Variants in ATG5 observed in about 807,000 individuals in gnomAD.
ATG5 encodes autophagy protein 5.
Under a neutral mutation model 36.5 loss-of-function variants are expected in ATG5, and 14 were observed. The ratio of observed to expected loss-of-function variants is 0.38; its 90% CI spans 0.25 to 0.60. ATG5 has a LOEUF of 0.60. Among genes scored for constraint, ATG5 ranks in the 20% least tolerant of loss-of-function variants. The pLI is 0.60. For missense variants in ATG5, 195 were observed against 326.7 expected (o/e 0.60, Z 3.11); for synonymous variants, 95 against 101.5 (o/e 0.94, Z 0.38).
chr6:106,246,245 C>T (rs907748235), intron 6 of ATG5, among the ~76,000 whole-genome samples: 2 of 152,052 alleles, frequency 1.3e-5, no homozygotes, highest in African/African-American at 4.8e-5. Context: ...AAAGATCAAG[C>T]AGGAGGTTCT....
rs544556894 is a variant in ATG5, at chr6:106,269,159, T to C, written c.478+10502A>G. On this transcript the variant is annotated intron_variant, in intron 5 of 7. Coordinates refer to ENST00000369076, the MANE Select transcript of ATG5 (RefSeq NM_004849.4). Reference sequence around the variant, plus strand: ...AGATACAAAGTGTCGACACAAAGGTTCTCCAAGTCCCCACCAGAGTAGCTA... The same window carrying C: ...AGATACAAAGTGTCGACACAAAGGTCCTCCAAGTCCCCACCAGAGTAGCTA... Among the ~76,000 whole-genome samples the C allele has an allele frequency of 3.3e-5, 5 of 152,292 alleles. No individual in the cohort carries two copies. In the South Asian group the frequency reaches 6.2e-4, roughly 19 times the overall value.
At chr6:106,292,108 AG>A (rs1204675309) in intron 4 of ATG5, among the ~76,000 whole-genome samples, 3 of 152,218 alleles carry the variant, frequency 2.0e-5, no homozygotes, top group Non-Finnish European at 4.4e-5. Context: ...AGAGAGGCCA[AG>A]GCAGGTGGAT....
At chr6:106,322,486 C>T (rs1482321830) in intron 1 of ATG5, among the ~76,000 whole-genome samples, 1 of 152,142 alleles carries the variant, frequency 6.6e-6, no homozygotes, top group African/African-American at 2.4e-5. Flanking sequence ...ATTTATTCTC[C>T]CACTTTCCTA....
intron 1 of ATG5, among the ~76,000 whole-genome samples, chr6:106,323,662 G>A (rs1159561895): frequency 1.3e-5 from 2 of 152,054 alleles, no homozygotes; most frequent in Non-Finnish European, 2.9e-5. Context: ...TTACTACCCT[G>A]ATTCAAGTCA....
intron 6 of ATG5, among the ~76,000 whole-genome samples, chr6:106,214,651 C>G (rs976270043): frequency 6.6e-6 from 1 of 152,096 alleles, no homozygotes; most frequent in Non-Finnish European, 1.5e-5. Context: ...CTAGACAGTG[C>G]CAAATGTACT....
chr6:106,313,716 T>C (rs1389192168), intron 2 of ATG5, among the ~76,000 whole-genome samples: 2 of 152,202 alleles, frequency 1.3e-5, no homozygotes, highest in Non-Finnish European at 2.9e-5. Context: ...GGAATATATG[T>C]ACTATTAATA....
intron 5 of ATG5, among the ~76,000 whole-genome samples, chr6:106,275,601 T>C (rs1314851261): frequency 6.6e-6 from 1 of 152,152 alleles, no homozygotes; most frequent in Non-Finnish European, 1.5e-5. Flanking sequence ...TTTAATAAAA[T>C]TTAATAAAGA....
At chr6:106,291,228 G>A (rs1450999237) in intron 4 of ATG5, among the ~76,000 whole-genome samples, 2 of 152,162 alleles carry the variant, frequency 1.3e-5, no homozygotes, top group East Asian at 3.8e-4. Flanking sequence ...AAAAAGACAT[G>A]TACTTAAGAG....
intron 7 of ATG5, among the ~76,000 whole-genome samples, chr6:106,188,366 A>AGC (rs1278574641): frequency 6.6e-6 from 1 of 152,202 alleles, no homozygotes; most frequent in Non-Finnish European, 1.5e-5. Context: ...CCTCCTACTT[A>AGC]GCACTGAGTC....
chr6:106,316,448 AATT>A (rs1770854039), intron 1 of ATG5, among the ~76,000 whole-genome samples, 182 bp from the exon 2 acceptor site: 5 of 152,222 alleles, frequency 3.3e-5, no homozygotes, highest in African/African-American at 7.2e-5. Flanking sequence ...CTAAATGTAA[AATT>A]ATTACTTATG....
At chr6:106,274,132 C>G (rs1047012594) in intron 5 of ATG5, among the ~76,000 whole-genome samples, 1 of 152,096 alleles carries the variant, frequency 6.6e-6, no homozygotes, top group Non-Finnish European at 1.5e-5. Flanking sequence ...CTCCGAAAAG[C>G]AAGAAACTAA....
chr6:106,256,172 C>G (rs905012536), intron 5 of ATG5, among the ~76,000 whole-genome samples: 1 of 151,402 alleles, frequency 6.6e-6, no homozygotes, highest in Non-Finnish European at 1.5e-5. Context: ...GTAGGTAATT[C>G]TCTCTTTAAT....
intron 7 of ATG5, 133 bp from the exon 8 acceptor site, chr6:106,186,809 G>T: frequency 9.6e-7 from 1 of 1,041,756 alleles, no homozygotes; most frequent in Non-Finnish European, 1.4e-6. Context: ...AGGAAATGTG[G>T]ACATGGAGAA....
intron 5 of ATG5, among the ~76,000 whole-genome samples, chr6:106,269,361 C>T (rs548518237): frequency 2.6e-5 from 4 of 151,962 alleles, no homozygotes; most frequent in South Asian, 2.1e-4. Flanking sequence ...CTGGCTTCAC[C>T]GGGGCTGCTG....
At chr6:106,284,720 T>G (rs972610656) in intron 4 of ATG5, among the ~76,000 whole-genome samples, 11 of 147,656 alleles carry the variant, frequency 7.4e-5, no homozygotes, top group East Asian at 1.9e-4. Context: ...TTGTGTGGGG[T>G]TTTTTTTGTT....
At chr6:106,305,028 T>C (rs1179588942) in intron 3 of ATG5, among the ~76,000 whole-genome samples, 5 of 151,102 alleles carry the variant, frequency 3.3e-5, no homozygotes, top group African/African-American at 4.9e-5. Flanking sequence ...GAGGTGGAGG[T>C]TGCAGTGAGC....
chr6:106,266,115 A>C (rs1779220445), intron 5 of ATG5, among the ~76,000 whole-genome samples: 1 of 152,202 alleles, frequency 6.6e-6, no homozygotes, highest in Non-Finnish European at 1.5e-5. Context: ...CTAATAAAGA[A>C]GAAAAGAGAG....
chr6:106,251,859 GAGAC>G (rs1265146460), intron 5 of ATG5, among the ~76,000 whole-genome samples: 1 of 151,690 alleles, frequency 6.6e-6, no homozygotes, highest in African/African-American at 2.4e-5. Flanking sequence ...CTTTTAAAAA[GAGAC>G]AGAGTCTCGC....
intron 3 of ATG5, among the ~76,000 whole-genome samples, chr6:106,303,573 TA>T (rs1483202059): frequency 6.6e-6 from 1 of 152,148 alleles, no homozygotes; most frequent in Non-Finnish European, 1.5e-5. Flanking sequence ...AAAGCCCGTA[TA>T]ACCCTAATGC....
Sources: allele counts gnomAD v4.1 joint callset (sites outside exome capture counted in the v4.1 genomes callset), GRCh38; gene constraint gnomAD v4.1.1; transcripts MANE v1.5; gene names NCBI Gene and HGNC (gene_info 2026-07-23, HGNC 2026-07-21).